Variants in CYRIA observed in about 807,000 individuals in gnomAD.
The protein encoded by CYRIA is CYFIP related Rac1 interactor A.
A neutral mutation model predicts 43.9 loss-of-function variants in CYRIA; 15 were observed. The ratio of observed to expected loss-of-function variants is 0.34; its 90% CI spans 0.23 to 0.53. CYRIA has a LOEUF of 0.53. CYRIA is among the 20% of genes least tolerant of loss of function. The probability of loss-of-function intolerance (pLI) is 0.94; values close to 1 mark genes in which losing one functional copy is unlikely to be tolerated. For missense variants in CYRIA, 236 were observed against 394.2 expected (o/e 0.60, Z 3.40); for synonymous variants, 117 against 136.0 (o/e 0.86, Z 0.97).
At chr2:16,615,321 A>C (rs1337642055) in intron 2 of CYRIA, among the ~76,000 whole-genome samples, 1 of 152,130 alleles carries the variant, frequency 6.6e-6, no homozygotes, top group Non-Finnish European at 1.5e-5. Flanking sequence ...CCAAGTAACC[A>C]GTGGTCGTTT....
At chr2:16,570,095 A>C (rs1411969782) in intron 3 of CYRIA, among the ~76,000 whole-genome samples, 1 of 152,096 alleles carries the variant, frequency 6.6e-6, no homozygotes, top group African/African-American at 2.4e-5. Flanking sequence ...ACTTGAAAGC[A>C]GTGTAGTAAG....
Position 16,557,710 on chromosome 2 carries a change from A to G in CYRIA, c.837+1750T>C, listed in dbSNP as rs147970478. Among the ~76,000 whole-genome samples the G allele has an allele frequency of 2.5e-4, 38 of 152,268 alleles. No individual in the cohort carries two copies. In the East Asian group the frequency reaches 7.2e-3, roughly 29 times the overall value. ...TATGCGTGAAGACTTAACATGATAT[A>G]CTGTTTACAGCCTCAACTGAAAGAC... On this transcript the variant is annotated intron_variant, in intron 10 of 11. Transcript: ENST00000381323.
At chr2:16,608,402 A>G (rs1461274140) in intron 2 of CYRIA, among the ~76,000 whole-genome samples, 2 of 152,240 alleles carry the variant, frequency 1.3e-5, no homozygotes, top group African/African-American at 4.8e-5. Flanking sequence ...CAGGAGGTAA[A>G]ATAAATACAC....
intron 3 of CYRIA, among the ~76,000 whole-genome samples, chr2:16,571,034 C>T (rs1667110964): frequency 6.6e-6 from 1 of 152,080 alleles, no homozygotes; most frequent in Admixed American, 6.5e-5. Flanking sequence ...CAAGTGTATC[C>T]AGGACATTAT....
At position 16,559,452 on chromosome 2, in the gene CYRIA, A is replaced by G. The variant is rs1666648592; in HGVS notation, c.837+8T>C. On this transcript the variant is annotated splice_region_variant and intron_variant, in intron 10 of 11. Transcript: ENST00000381323. ...TATTTGGAAAGCACATTTCACAACT[A>G]TTCTTACATCGATCTTGGATGTCTT... The G allele has an allele frequency of 1.2e-6, 2 of 1,611,234 alleles. No individual in the cohort carries two copies. The highest frequency in any genetic ancestry group is 2.2e-5 in the South Asian group (2 of 90,822).
chr2:16,633,136 G>A (rs1337971088), intron 1 of CYRIA, among the ~76,000 whole-genome samples: 1 of 152,156 alleles, frequency 6.6e-6, no homozygotes, highest in Non-Finnish European at 1.5e-5. Context: ...ATACTAATTA[G>A]AGCCATCCTT....
At chr2:16,635,684 G>A (rs575880126) in intron 1 of CYRIA, among the ~76,000 whole-genome samples, 36 of 152,276 alleles carry the variant, frequency 2.4e-4, no homozygotes, top group Middle Eastern at 3.4e-3. Flanking sequence ...TAGCCCTGGA[G>A]ACTCAGATTA....
chr2:16,620,054 C>T (rs926927144), intron 2 of CYRIA, among the ~76,000 whole-genome samples: 4 of 152,186 alleles, frequency 2.6e-5, no homozygotes, highest in African/African-American at 9.7e-5. Flanking sequence ...GTCTTTGTCA[C>T]GTGATTAGAA....
In CYRIA at chr2:16,623,970, G is replaced by A. The variant is rs1317718180; in HGVS notation, c.-117C>T. Reference sequence around the variant, plus strand: ...GTTGGACTTCCCAAATCAGGACGGTGGCCTCCTAGAGTCCTGTAGCTTTTC... The same window carrying A: ...GTTGGACTTCCCAAATCAGGACGGTAGCCTCCTAGAGTCCTGTAGCTTTTC... On this transcript the variant is annotated 5_prime_UTR_variant, in exon 2 of 12. Transcript: ENST00000381323. 3 of 152,212 alleles carry A rather than the reference G, an allele frequency of 2.0e-5. No individual in the cohort carries two copies. The highest frequency in any genetic ancestry group is 7.2e-5 in the African/African-American group (3 of 41,450). 9.4% of individuals were successfully genotyped at this position (152,212 alleles called of 1,614,324 possible). A position where few individuals can be genotyped will look rare whatever the true frequency, so the allele number is the denominator to read the frequency against.
chr2:16,619,541 G>A (rs1474897091), intron 2 of CYRIA, among the ~76,000 whole-genome samples: 1 of 152,190 alleles, frequency 6.6e-6, no homozygotes. Context: ...GAGCTATGGT[G>A]TAATCCATGC....
intron 1 of CYRIA, among the ~76,000 whole-genome samples, chr2:16,626,604 A>T (rs1404839646): frequency 6.6e-6 from 1 of 151,956 alleles, no homozygotes; most frequent in Non-Finnish European, 1.5e-5. Flanking sequence ...GTTTGAGAGG[A>T]CTCCAAGCCT....
chr2:16,607,574 C>T (rs967331054), intron 2 of CYRIA, among the ~76,000 whole-genome samples: 1 of 152,128 alleles, frequency 6.6e-6, no homozygotes, highest in Non-Finnish European at 1.5e-5. Flanking sequence ...TGGAAGGGCT[C>T]CTGCCTCCTT....
intron 2 of CYRIA, among the ~76,000 whole-genome samples, chr2:16,590,779 A>T (rs533885639): frequency 6.6e-6 from 1 of 152,288 alleles, no homozygotes; most frequent in Non-Finnish European, 1.5e-5. Flanking sequence ...CCTCTAGAAC[A>T]ATGACTGTGG....
intron 3 of CYRIA, among the ~76,000 whole-genome samples, chr2:16,575,909 A>G (rs1485542102): frequency 6.6e-6 from 1 of 151,904 alleles, no homozygotes; most frequent in Non-Finnish European, 1.5e-5. Context: ...AAATAAATAA[A>G]GAGCAGTTCC....
chr2:16,660,402 G>A (rs576806874), intron 1 of CYRIA, among the ~76,000 whole-genome samples: 62 of 152,140 alleles, frequency 4.1e-4, no homozygotes, highest in Non-Finnish European at 8.2e-4. Context: ...CACAGAGAGC[G>A]CCCATGTGGA....
At chr2:16,618,374 G>C (rs532847096) in intron 2 of CYRIA, among the ~76,000 whole-genome samples, 1 of 152,294 alleles carries the variant, frequency 6.6e-6, no homozygotes, top group East Asian at 1.9e-4. Context: ...CAGGGTTTTG[G>C]AGAGAATGGG....
chr2:16,648,098 CAGAAAGGTTAAGTAATTTGCCTAA>C (rs1401194132), intron 1 of CYRIA, among the ~76,000 whole-genome samples: 2 of 152,122 alleles, frequency 1.3e-5, no homozygotes, highest in Admixed American at 6.5e-5. Flanking sequence ...TAATGAGACA[CAGAAAGGTTAAGTAATTTGCCTAA>C]AGTCACACAG....
chr2:16,575,595 CT>C (rs1458929308), intron 3 of CYRIA, among the ~76,000 whole-genome samples: 1 of 152,218 alleles, frequency 6.6e-6, no homozygotes, highest in Admixed American at 6.5e-5. Context: ...GTGGCTCATG[CT>C]TGTAATCCCA....
intron 2 of CYRIA, among the ~76,000 whole-genome samples, chr2:16,619,150 C>T (rs148371898): frequency 6.6e-6 from 1 of 152,164 alleles, no homozygotes; most frequent in Non-Finnish European, 1.5e-5. Context: ...CTTGGCACAA[C>T]TGGGGAAGTG....
Sources: allele counts gnomAD v4.1 joint callset (sites outside exome capture counted in the v4.1 genomes callset), GRCh38; gene constraint gnomAD v4.1.1; transcripts MANE v1.5; gene names NCBI Gene and HGNC (gene_info 2026-07-23, HGNC 2026-07-21).